The following AMY2B variants were observed in gnomAD, a reference collection of about 807,000 sequenced individuals.
AMY2B encodes the protein amylase alpha 2B.
In AMY2B, 63 loss-of-function variants were observed where a neutral mutation model predicts 59.3. That is an observed-to-expected ratio of 1.06 (90% CI 0.87 to 1.31). AMY2B has a LOEUF of 1.31. Ranked by LOEUF, AMY2B falls within the 50% of genes most tolerant of loss-of-function variation. The pLI, the probability that AMY2B is intolerant of heterozygous loss-of-function variation, is 0.00. For synonymous variants in AMY2B, 180 were observed against 198.1 expected, an observed-to-expected ratio of 0.91 and a Z score of 0.77; for missense variants, 635 against 626.7, an observed-to-expected ratio of 1.01 and a Z score of -0.14.
Position 103,575,352 on chromosome 1 carries a change from A to G in AMY2B, c.1001+7A>G, listed in dbSNP as rs1355417292. ...TTACCTTCTGGGATGCTAGGTAGAA[A>G]ACCAAGTTCTCTATTTTTTTTAACA... On this transcript the variant is annotated splice_region_variant and intron_variant, in intron 6 of 9. Transcript: ENST00000684275. 1 of 1,613,248 alleles carries G rather than the reference A, an allele frequency of 6.2e-7. No individual in the cohort carries two copies. Among genetic ancestry groups the G allele is most frequent in the Admixed American group, 1.7e-5 (1 of 59,898 alleles).
intron 2 of AMY2B, among the ~76,000 whole-genome samples, 154 bp downstream of exon 2, chr1:103,572,410 C>T (rs905040057): frequency 6.6e-6 from 1 of 152,104 alleles, no homozygotes; most frequent in Non-Finnish European, 1.5e-5. Flanking sequence ...GCCTTATGTT[C>T]AGCTTTTGTA....
chr1:103,572,064 A>T (rs771662360), intron 1 of AMY2B, 46 bp from the exon 2 acceptor site: 12 of 1,611,058 alleles, frequency 7.4e-6, no homozygotes, highest in Non-Finnish European at 2.5e-6. Flanking sequence ...ACATTCAATG[A>T]TATAGAGTAA....
intron 1 of AMY2B, among the ~76,000 whole-genome samples, chr1:103,563,506 A>G (rs1651804832): frequency 6.6e-6 from 1 of 152,224 alleles, no homozygotes; most frequent in East Asian, 1.9e-4. Flanking sequence ...AGACATAAAT[A>G]TACTTTAATT....
chr1:103,555,021 TATG>T (rs1450302846), exon 1 of AMY2B: 2 of 152,132 alleles, frequency 1.3e-5, no homozygotes, highest in Non-Finnish European at 2.9e-5. Flanking sequence ...AATGGGCTTT[TATG>T]ATGTTTTAGG....
At chr1:103,575,037 AGTGT>A (rs1221860599) in intron 5 of AMY2B, among the ~76,000 whole-genome samples, 182 bp from the exon 6 acceptor site, 6 of 138,214 alleles carry the variant, frequency 4.3e-5, no homozygotes, top group Admixed American at 7.8e-5. Flanking sequence ...TATATATTTG[AGTGT>A]GTGTTTGTGT....
At chr1:103,566,468 T>C (rs1399568458) in intron 2 of AMY2B, among the ~76,000 whole-genome samples, 1 of 152,226 alleles carries the variant, frequency 6.6e-6, no homozygotes, top group African/African-American at 2.4e-5. Context: ...TAGCCTAATG[T>C]ATCACAGTAT....
At position 103,573,866 on chromosome 1, in the gene AMY2B, A is replaced by G. The variant is rs1570647558; in HGVS notation, c.672A>G (p.Ala224=). ...ACATGTGGCCTGGAGACATAAAGGC[A>G]ATTTTGGACAAACTGCATAATCTAA... ...SKHMWPGDIK[A]ILDKLHNLNS... Residue 224 remains alanine, a synonymous_variant, in exon 4 of 10, where the codon GCA becomes GCG. Coordinates refer to ENST00000684275, the MANE Select transcript of AMY2B (RefSeq NM_001387437.1). 6.2e-7 allele frequency: 1 copy of G among 1,613,868 alleles called. No individual in the cohort carries two copies. Among genetic ancestry groups the G allele is most frequent in the East Asian group, 2.2e-5 (1 of 44,876 alleles).
chr1:103,577,969 T>C, intron 9 of AMY2B, 124 bp downstream of exon 9: 2 of 1,534,124 alleles, frequency 1.3e-6, no homozygotes, highest in Non-Finnish European at 1.7e-6. Flanking sequence ...AAGAAGACAA[T>C]AGACATCAAA....
At chr1:103,556,064 A>G (rs1187984346) in intron 1 of AMY2B, among the ~76,000 whole-genome samples, 1 of 152,156 alleles carries the variant, frequency 6.6e-6, no homozygotes, top group East Asian at 1.9e-4. Flanking sequence ...AATTTTTGTT[A>G]TATTTTCTCA....
Position 103,572,155 on chromosome 1 carries a change from C to T in AMY2B, c.214C>T (p.Pro72Ser). Residue 72 changes from proline (P) to serine (S), a missense_variant, in exon 2 of 10, where the codon CCT becomes TCT. Physicochemically the swap from Pro to Ser is moderately conservative, Grantham distance 74. Transcript: ENST00000684275. Reference protein sequence around the residue: ...ENVAIHNPFRPWWERYQPVSY... With the variant: ...ENVAIHNPFRSWWERYQPVSY... ...TGTTGCAATTCACAACCCTTTCAGACCTTGGTGGGAAAGATACCAACCAGT... is the reference window on the plus strand; with the variant it reads ...TGTTGCAATTCACAACCCTTTCAGATCTTGGTGGGAAAGATACCAACCAGT... 6.2e-7 allele frequency: 1 copy of T among 1,611,622 alleles called. No individual in the cohort carries two copies. Among genetic ancestry groups the T allele is most frequent in the African/African-American group, 1.3e-5 (1 of 74,946 alleles).
rs769935411 is a variant in AMY2B at position 103,574,400 on chromosome 1, A to T, written c.878+7A>T. 65 of 1,611,046 alleles carry T rather than the reference A, an allele frequency of 4.0e-5. No individual in the cohort carries two copies. Among genetic ancestry groups the T allele is most frequent in the Non-Finnish European group, 5.4e-5 (64 of 1,179,612 alleles). On this transcript the variant is annotated splice_region_variant and intron_variant, in intron 5 of 9. Coordinates refer to ENST00000684275, the MANE Select transcript of AMY2B (RefSeq NM_001387437.1). ...AGAAGATGTCTTACCTAAAGTAAAT[A>T]AATACAACTTTTCCCCTGAAGTATT...
intron 1 of AMY2B, among the ~76,000 whole-genome samples, chr1:103,558,677 C>T (rs1210193255): frequency 6.6e-6 from 1 of 150,838 alleles, no homozygotes; most frequent in African/African-American, 2.4e-5. Flanking sequence ...GAGGGAGGAC[C>T]ACTTAAGCTC....
chr1:103,575,794 T>C (rs1336338566), intron 7 of AMY2B: 1 of 446,762 alleles, frequency 2.2e-6, no homozygotes. Context: ...AAAAAACCAC[T>C]TAAAAATAAG....
At chr1:103,571,335 C>T, upstream of AMY2B, 1 of 929,226 alleles carries the variant, frequency 1.1e-6, no homozygotes. Flanking sequence ...GAACATTAGG[C>T]CCCAGCAATA....
rs1438147131 is a variant in AMY2B, at chr1:103,579,262, T to G, written c.1347-49T>G. 1.9e-6 allele frequency: 3 copies of G among 1,611,334 alleles called. No individual in the cohort carries two copies. The African/African-American group carries it at 4.0e-5, about 22-fold the overall frequency. On this transcript the variant is annotated intron_variant, in intron 9 of 9. Transcript: ENST00000684275. Reference sequence around the variant, plus strand: ...TGCTGTTTAGTTGTGTTAGCCTGTATTCTTGATTTTCAGTGTATTGAAGTT... The same window carrying G: ...TGCTGTTTAGTTGTGTTAGCCTGTAGTCTTGATTTTCAGTGTATTGAAGTT...
At position 103,571,718 on chromosome 1, in the gene AMY2B, TTGCTCTTGA is replaced by T. The variant is rs1652138421; in HGVS notation, c.117_125del (p.Ala40_Glu42del). On this transcript the variant is annotated inframe_deletion, in exon 1 of 10. Coordinates refer to ENST00000684275, the MANE Select transcript of AMY2B (RefSeq NM_001387437.1). ...CTGTTTGAATGGCGATGGGTTGATA[TTGCTCTTGA>T]ATGTGAGCGATATTTAGCTCCCAAG... The T allele has an allele frequency of 6.2e-7, 1 of 1,611,852 alleles. No homozygotes were observed. The highest frequency in any genetic ancestry group is 8.5e-7 in the Non-Finnish European group (1 of 1,179,834).
rs554640 is a variant in AMY2B, at chr1:103,577,853, C to A, written c.1346+8C>A. ...TTTCAACAATGATGACTGGTAAGTA[C>A]ATATCAATTAAAAATAATATTTTGT... On this transcript the variant is annotated splice_region_variant and intron_variant, in intron 9 of 9. Coordinates refer to ENST00000684275, the MANE Select transcript of AMY2B (RefSeq NM_001387437.1). The A allele has an allele frequency of 2.9e-4, 468 of 1,600,186 alleles. 1 individual carries two copies. The East Asian group carries it at 7.9e-3, about 27-fold the overall frequency.
chr1:103,558,201 T>G (rs1289433004), intron 1 of AMY2B, among the ~76,000 whole-genome samples: 16 of 152,240 alleles, frequency 1.1e-4, no homozygotes, highest in Admixed American at 1.3e-4. Context: ...AGTTCCCGAT[T>G]GCTAAAGCAT....
chr1:103,570,566 G>C, upstream of AMY2B: 4 of 601,042 alleles, frequency 6.7e-6, no homozygotes, highest in Non-Finnish European at 6.5e-6. Flanking sequence ...ACTCCGTGTG[G>C]ATCAGCGGCT....
Sources: gnomAD v4.1 joint callset for allele counts (sites outside exome capture counted in the v4.1 genomes callset) on GRCh38, gnomAD v4.1.1 for gene constraint, MANE v1.5 for transcripts, NCBI Gene and HGNC (gene_info 2026-07-23, HGNC 2026-07-21) for gene names.